RPL6: variants seen among roughly 807,000 people sequenced by gnomAD.
RPL6 encodes the protein ribosomal protein L6.
Under a neutral mutation model 32.1 loss-of-function variants are expected in RPL6, and 1 was observed. The ratio of observed to expected loss-of-function variants is 0.03; its 90% CI spans 0.01 to 0.15. The LOEUF is 0.15. Among genes scored for constraint, RPL6 ranks in the 10% least tolerant of loss-of-function variants. The probability of loss-of-function intolerance (pLI) is 1.00; values close to 1 mark genes in which losing one functional copy is unlikely to be tolerated. For synonymous variants in RPL6, 126 were observed against 131.6 expected, an observed-to-expected ratio of 0.96 and a Z score of 0.29; for missense variants, 275 against 354.6, an observed-to-expected ratio of 0.78 and a Z score of 1.80.
chr12:112,405,429 G>A, intron 6 of RPL6, 53 bp from the exon 7 acceptor site: 1 of 1,563,532 alleles, frequency 6.4e-7, no homozygotes, highest in Non-Finnish European at 8.7e-7. Context: ...CAAATTACTT[G>A]TAGGTCAACT....
Position 112,405,979 on chromosome 12 carries a change from G to A in RPL6, c.588C>T (p.Ala196=). Residue 196 remains alanine, a synonymous_variant, in exon 6 of 7, where the codon GCC becomes GCT. Coordinates refer to ENST00000202773, the MANE Select transcript of RPL6 (RefSeq NM_000970.6). The part of the protein sequence containing the change: ...LRRTHQKFVI[A]TSTKIDISNV... The stretch of plus-strand genomic sequence containing the variant: ...TGCTGATATCGATTTTGGTTGAAGT[G>A]GCAATGACAAATTTCTGGTGTGTTC... 6.2e-7 allele frequency: 1 copy of A among 1,614,052 alleles called. No homozygotes were observed. Among genetic ancestry groups the A allele is most frequent in the Non-Finnish European group, 8.5e-7 (1 of 1,179,976 alleles).
chr12:112,410,650 G>A (rs932785014), upstream of RPL6, among the ~76,000 whole-genome samples: 2 of 127,744 alleles, frequency 1.6e-5, no homozygotes, highest in Admixed American at 1.0e-4. Flanking sequence ...CTTGGCTCAC[G>A]GCAACCTCTG....
upstream of RPL6, among the ~76,000 whole-genome samples, chr12:112,414,361 T>G (rs1025753227): frequency 8.5e-5 from 13 of 152,230 alleles, no homozygotes; most frequent in Non-Finnish European, 1.6e-4. Flanking sequence ...TCATTCTAGC[T>G]GCAGAGTGTG....
intron 3 of RPL6, 157 bp downstream of exon 3, chr12:112,408,083 A>T: frequency 1.6e-6 from 1 of 618,040 alleles, no homozygotes; most frequent in Non-Finnish European, 2.9e-6. Flanking sequence ...CTTAAGATTA[A>T]CAGTAAATGT....
Position 112,405,960 on chromosome 12 carries a change from T to C in RPL6, c.607A>G (p.Ile203Val). 11 of 1,614,148 alleles carry C rather than the reference T, an allele frequency of 6.8e-6. No individual in the cohort carries two copies. The highest frequency in any genetic ancestry group is 9.3e-6 in the Non-Finnish European group (11 of 1,180,008). ...FVIATSTKID[I>V]SNVKIPKHLT... ...TGTTTTGGGATTTTTACATTGCTGA[T>C]ATCGATTTTGGTTGAAGTGGCAATG... Residue 203 changes from isoleucine (I) to valine (V), a missense_variant, in exon 6 of 7, where the codon ATC becomes GTC. Coordinates refer to ENST00000202773, the MANE Select transcript of RPL6 (RefSeq NM_000970.6).
intron 6 of RPL6, 27 bp from the exon 7 acceptor site, chr12:112,405,403 T>C: frequency 6.2e-7 from 1 of 1,608,996 alleles, no homozygotes; most frequent in Non-Finnish European, 8.5e-7. Flanking sequence ...TCAAACATTT[T>C]AAAACAGGCA....
intron 1 of RPL6, chr12:112,418,450 C>A: frequency 5.5e-6 from 1 of 183,336 alleles, no homozygotes. Flanking sequence ...TGCTTTTTTG[C>A]CCAGGCTGGC....
intron 1 of RPL6, chr12:112,409,253 A>G (rs1259481056): frequency 5.2e-6 from 2 of 386,174 alleles, no homozygotes; most frequent in Non-Finnish European, 9.1e-6. Flanking sequence ...GCTCAGTGTC[A>G]TCCTCTGGAA....
At position 112,409,575 on chromosome 12, in the gene RPL6, C is replaced by G. The variant is rs1367641827; in HGVS notation, c.-1+12G>C. 5.0e-6 allele frequency: 2 copies of G among 398,550 alleles called. No homozygotes were observed. Among genetic ancestry groups the G allele is most frequent in the Admixed American group, 4.4e-5 (1 of 22,714 alleles). The allele number at this position is 398,550 out of a possible 1,614,324, so 24.7% of individuals were successfully genotyped here. Reference sequence around the variant, plus strand: ...TGAACTCAAGTCTTGCAGACAGGCCCGCGATTCTTACCTTGCAAGATGGGA... The same window carrying G: ...TGAACTCAAGTCTTGCAGACAGGCCGGCGATTCTTACCTTGCAAGATGGGA... On this transcript the variant is annotated intron_variant, in intron 1 of 6. Coordinates refer to ENST00000202773, the MANE Select transcript of RPL6 (RefSeq NM_000970.6).
upstream of RPL6, among the ~76,000 whole-genome samples, chr12:112,414,239 C>T (rs371532799): frequency 3.9e-5 from 6 of 152,322 alleles, no homozygotes; most frequent in East Asian, 1.9e-4. Context: ...ATATCTAGAA[C>T]GGACTGATGT....
At chr12:112,412,016 A>G (rs1423718540), upstream of RPL6, among the ~76,000 whole-genome samples, 1 of 151,094 alleles carries the variant, frequency 6.6e-6, no homozygotes, top group Non-Finnish European at 1.5e-5. Flanking sequence ...AGTAGCTGGG[A>G]TTACAGGTGC....
intron 3 of RPL6, 61 bp from the exon 4 acceptor site, chr12:112,406,951 CTA>C (rs1269429557): frequency 6.4e-7 from 1 of 1,565,352 alleles, no homozygotes; most frequent in African/African-American, 1.4e-5. Context: ...TAGAAGCAAG[CTA>C]TGTCAGCCAA....
At chr12:112,412,243 G>A (rs2037349912), upstream of RPL6, among the ~76,000 whole-genome samples, 1 of 152,162 alleles carries the variant, frequency 6.6e-6, no homozygotes, top group African/African-American at 2.4e-5. Flanking sequence ...GTTTCACTGT[G>A]TTAGCCAGGA....
upstream of RPL6, among the ~76,000 whole-genome samples, chr12:112,413,881 A>G (rs2037370046): frequency 6.6e-6 from 1 of 151,872 alleles, no homozygotes; most frequent in African/African-American, 2.4e-5. Flanking sequence ...AAAAAAAAGG[A>G]AGACAATGAC....
intron 6 of RPL6, 104 bp downstream of exon 6, chr12:112,405,749 C>T (rs1455791185): frequency 2.1e-6 from 2 of 943,342 alleles, no homozygotes; most frequent in African/African-American, 3.3e-5. Context: ...CAGCATTCCT[C>T]ATTATTTAAC....
chr12:112,406,094 T>G (rs1036009324), intron 5 of RPL6, 57 bp from the exon 6 acceptor site: 11 of 1,456,310 alleles, frequency 7.6e-6, no homozygotes, highest in Non-Finnish European at 9.5e-6. Context: ...CATCCTGCAA[T>G]TTAGGTGACC....
At chr12:112,409,547 T>C (rs2037296351) in intron 1 of RPL6, 40 bp downstream of exon 1, 2 of 398,142 alleles carry the variant, frequency 5.0e-6, no homozygotes, top group Non-Finnish European at 8.8e-6. Context: ...GGATTGGGAG[T>C]CCTGAACTCA....
At position 112,406,875 on chromosome 12, in the gene RPL6, T is replaced by C; in HGVS notation, c.352A>G (p.Thr118Ala). 6.2e-7 allele frequency: 1 copy of C among 1,614,224 alleles called. No homozygotes were observed. Among genetic ancestry groups the C allele is most frequent in the Non-Finnish European group, 8.5e-7 (1 of 1,180,036 alleles). Residue 118 changes from threonine to alanine, a missense_variant, in exon 4 of 7, where the codon ACT (threonine) becomes GCT (alanine). Coordinates refer to ENST00000202773, the MANE Select transcript of RPL6 (RefSeq NM_000970.6). ...KLRKMPRYYP[T>A]EDVPRKLLSH... ...AACAGCTTTCGAGGCACATCTTCAG[T>C]AGGATAATATCTAGGCTGTGGAGAG...
At chr12:112,410,358 C>T (rs925183186), upstream of RPL6, 13 of 279,576 alleles carry the variant, frequency 4.6e-5, no homozygotes, top group Non-Finnish European at 8.6e-5. Flanking sequence ...TTGTACATGG[C>T]CTTTCTCATT....
Sources: gnomAD v4.1 joint callset for allele counts (sites outside exome capture counted in the v4.1 genomes callset) on GRCh38, gnomAD v4.1.1 for gene constraint, MANE v1.5 for transcripts, NCBI Gene and HGNC (gene_info 2026-07-23, HGNC 2026-07-21) for gene names.